The following CACNA2D2 variants were observed in gnomAD, a reference collection of about 807,000 sequenced individuals.
CACNA2D2 encodes voltage-dependent calcium channel subunit alpha-2/delta-2.
In CACNA2D2, 48 loss-of-function variants were observed where a neutral mutation model predicts 166.4. That is an observed-to-expected ratio of 0.29 (90% CI 0.23 to 0.37). The LOEUF is 0.37. Ranked by LOEUF, CACNA2D2 falls within the 10% of genes least tolerant of loss-of-function variation. The pLI, the probability that CACNA2D2 is intolerant of heterozygous loss-of-function variation, is 1.00. For missense variants in CACNA2D2, 1,122 were observed against 1,433.0 expected (o/e 0.78, Z 3.50); for synonymous variants, 561 against 573.7 (o/e 0.98, Z 0.32).
Position 50,376,320 on chromosome 3 carries a change from C to CT in CACNA2D2, c.1627-133_1627-132insA. On this transcript the variant is annotated intron_variant, in intron 17 of 37. Transcript: ENST00000424201. The surrounding 1 kb of genome is among the most constrained non-coding windows in gnomAD (Gnocchi z 4.3). ...TGCCTGCCTTGGGCTAAGGGCCCCC[C>CT]CATGCCACGTGGCCCTAAGCCTGTC... The CT allele has an allele frequency of 3.2e-6, 3 of 951,142 alleles. No individual in the cohort carries two copies. The highest frequency in any genetic ancestry group is 4.7e-6 in the Non-Finnish European group (3 of 632,992). 58.9% of individuals were successfully genotyped at this position (951,142 alleles called of 1,614,324 possible).
chr3:50,450,213 A>C (rs1167238938), intron 2 of CACNA2D2, among the ~76,000 whole-genome samples: 1 of 152,148 alleles, frequency 6.6e-6, no homozygotes, highest in Non-Finnish European at 1.5e-5. Flanking sequence ...CAGGATTCAC[A>C]CATTCTTTTG....
intron 3 of CACNA2D2, among the ~76,000 whole-genome samples, chr3:50,411,394 A>G (rs1468008504): frequency 6.6e-6 from 1 of 152,128 alleles, no homozygotes; most frequent in African/African-American, 2.4e-5. Flanking sequence ...GATGAGTCAG[A>G]TCTGGCCCCA....
chr3:50,475,669 G>T (rs530000876), intron 2 of CACNA2D2, among the ~76,000 whole-genome samples: 1 of 152,246 alleles, frequency 6.6e-6, no homozygotes, highest in East Asian at 1.9e-4. Context: ...ATCCCACCAG[G>T]CATGGGATTT....
chr3:50,460,906 C>T (rs1214827800), intron 2 of CACNA2D2, among the ~76,000 whole-genome samples: 2 of 151,096 alleles, frequency 1.3e-5, no homozygotes, highest in Admixed American at 1.3e-4. Flanking sequence ...ATTTAAAATG[C>T]AATGGTTAAA....
At chr3:50,493,323 C>T (rs1372731047) in intron 1 of CACNA2D2, among the ~76,000 whole-genome samples, 1 of 152,232 alleles carries the variant, frequency 6.6e-6, no homozygotes, top group Non-Finnish European at 1.5e-5. Flanking sequence ...TCAGAGTGGG[C>T]ATGTGACTCA....
At chr3:50,486,322 G>T (rs1698279005) in intron 1 of CACNA2D2, among the ~76,000 whole-genome samples, 1 of 152,206 alleles carries the variant, frequency 6.6e-6, no homozygotes, top group Non-Finnish European at 1.5e-5. Context: ...TGGCAGGACA[G>T]ACCCTGTCCA....
intron 2 of CACNA2D2, among the ~76,000 whole-genome samples, chr3:50,473,127 A>G (rs750577543): frequency 1.3e-5 from 2 of 152,180 alleles, no homozygotes; most frequent in Non-Finnish European, 2.9e-5. Flanking sequence ...CCAGCTATGC[A>G]CTAGCTGCGA....
In CACNA2D2 at chr3:50,364,941, G is replaced by A; in HGVS notation, c.3238C>T (p.Gln1080Ter). The part of the protein sequence containing the change: ...SDGPEQCELV[Q>*]RPRYRRGPHI... ...GGGCCTCTCCGGTATCGCGGTCTCT[G>A]CACTAGCTCACACTGCTCCGGGCCG... Residue 1080 changes from glutamine (Q) to a stop codon, truncating the protein, a stop_gained, in exon 37 of 38, where the codon CAG becomes TAG. Transcript: ENST00000424201. LOFTEE classifies it high-confidence loss of function. 6.2e-7 allele frequency: 1 copy of A among 1,613,246 alleles called. No individual in the cohort carries two copies. Among genetic ancestry groups the A allele is most frequent in the Non-Finnish European group, 8.5e-7 (1 of 1,179,856 alleles).
At chr3:50,500,147 G>A (rs999472437) in intron 1 of CACNA2D2, among the ~76,000 whole-genome samples, 2 of 152,222 alleles carry the variant, frequency 1.3e-5, no homozygotes, top group African/African-American at 4.8e-5. Flanking sequence ...CGCATGCCCT[G>A]TTGTAGGCAC....
In CACNA2D2 at chr3:50,362,922, G is replaced by T; in HGVS notation, c.*1744C>A. On this transcript the variant is annotated 3_prime_UTR_variant, in exon 38 of 38. Transcript: ENST00000424201. ...GTTTCTTGACTTTTTTGTCGCTGTT[G>T]TTTTTCCAACTTGTCTGTACAAAAT... The T allele has an allele frequency of 2.5e-6, 1 of 395,490 alleles. No homozygotes were observed. Among genetic ancestry groups the T allele is most frequent in the Non-Finnish European group, 4.5e-6 (1 of 224,598 alleles). 24.5% of individuals were successfully genotyped at this position (395,490 alleles called of 1,614,324 possible). A position where few individuals can be genotyped will look rare whatever the true frequency, so the allele number is the denominator to read the frequency against.
At position 50,363,232 on chromosome 3, in the gene CACNA2D2, A is replaced by T; in HGVS notation, c.*1434T>A. ...CCAGGCCGGGTGCACATGGACACCC[A>T]CCCTGGCACCAGCAGTGGGCATGGA... On this transcript the variant is annotated 3_prime_UTR_variant, in exon 38 of 38. Transcript: ENST00000424201. The T allele has an allele frequency of 2.5e-6, 1 of 398,848 alleles. No individual in the cohort carries two copies. Among genetic ancestry groups the T allele is most frequent in the Non-Finnish European group, 4.4e-6 (1 of 226,054 alleles). The allele number at this position is 398,848 out of a possible 1,614,324, so 24.7% of individuals were successfully genotyped here. A position where few individuals can be genotyped will look rare whatever the true frequency, so the allele number is the denominator to read the frequency against.
intron 2 of CACNA2D2, among the ~76,000 whole-genome samples, chr3:50,447,865 C>CCA (rs1407881195): frequency 4.6e-5 from 7 of 152,170 alleles, no homozygotes; most frequent in Non-Finnish European, 1.0e-4. Context: ...ATCCAGAATG[C>CCA]CACACCCTGA....
At chr3:50,473,117 C>T (rs534341056) in intron 2 of CACNA2D2, among the ~76,000 whole-genome samples, 35 of 152,250 alleles carry the variant, frequency 2.3e-4, no homozygotes, top group African/African-American at 8.2e-4. Flanking sequence ...AAGGAGAGCT[C>T]CAGCTATGCA....
At chr3:50,457,386 C>T (rs1709407249) in intron 2 of CACNA2D2, among the ~76,000 whole-genome samples, 2 of 152,246 alleles carry the variant, frequency 1.3e-5, no homozygotes, top group Admixed American at 1.3e-4. Context: ...TGCTAAATAT[C>T]GTTCCTTGTA....
At chr3:50,462,598 C>T (rs927733460) in intron 2 of CACNA2D2, among the ~76,000 whole-genome samples, 3 of 151,732 alleles carry the variant, frequency 2.0e-5, no homozygotes, top group African/African-American at 4.8e-5. Flanking sequence ...CACAAAAGGG[C>T]GAGGGATGGG....
At position 50,472,970 on chromosome 3, in the gene CACNA2D2, G is replaced by A. The variant is rs562580800; in HGVS notation, c.288+3148C>T. Among the ~76,000 whole-genome samples the A allele has an allele frequency of 1.6e-4, 24 of 152,334 alleles. 1 individual carries two copies. Among genetic ancestry groups the A allele is most frequent in the Admixed American group, 1.3e-3 (20 of 15,300 alleles). ...GCTCTGCAGGGGGACATCACAGTAG[G>A]GTCTATACTTTTGTGGCCTATTGAG... On this transcript the variant is annotated intron_variant, in intron 2 of 37. Coordinates refer to ENST00000424201, the MANE Select transcript of CACNA2D2 (RefSeq NM_006030.4).
Position 50,375,137 on chromosome 3 carries a change from C to G in CACNA2D2, c.1908-324G>C, listed in dbSNP as rs1400361108. On this transcript the variant is annotated intron_variant, in intron 21 of 37. Coordinates refer to ENST00000424201, the MANE Select transcript of CACNA2D2 (RefSeq NM_006030.4). The surrounding 1 kb of genome is among the most constrained non-coding windows in gnomAD (Gnocchi z 4.0). Reference sequence around the variant, plus strand: ...CTGACCCACAAGGGGCAGACGCTGCCGTGAGCTGGCTGCAATGCCAGTGTT... The same window carrying G: ...CTGACCCACAAGGGGCAGACGCTGCGGTGAGCTGGCTGCAATGCCAGTGTT... Among the ~76,000 whole-genome samples the G allele has an allele frequency of 6.6e-6, 1 of 152,198 alleles. No individual in the cohort carries two copies. The highest frequency in any genetic ancestry group is 1.5e-5 in the Non-Finnish European group (1 of 68,024).
intron 22 of CACNA2D2, among the ~76,000 whole-genome samples, chr3:50,371,682 C>A (rs1380825012): frequency 6.6e-6 from 1 of 151,932 alleles, no homozygotes; most frequent in Non-Finnish European, 1.5e-5. Flanking sequence ...AGGGGCTGGG[C>A]AGTCACTGGT....
chr3:50,425,137 G>A (rs776563792), intron 3 of CACNA2D2, among the ~76,000 whole-genome samples: 4 of 152,134 alleles, frequency 2.6e-5, no homozygotes, highest in African/African-American at 7.2e-5. Flanking sequence ...GAACTCAGGC[G>A]TAGAACCCTG....
Sources: allele counts gnomAD v4.1 joint callset (sites outside exome capture counted in the v4.1 genomes callset), GRCh38; gene constraint gnomAD v4.1.1; non-coding constraint Gnocchi (gnomAD v3.1); transcripts MANE v1.5; gene names NCBI Gene and HGNC (gene_info 2026-07-23, HGNC 2026-07-21).